TBC1D2B: variants seen among roughly 807,000 people sequenced by gnomAD.
The protein encoded by TBC1D2B is TBC1 domain family, member 2B.
Under a neutral mutation model 100.8 loss-of-function variants are expected in TBC1D2B, and 64 were observed. The ratio of observed to expected loss-of-function variants is 0.64; its 90% CI spans 0.52 to 0.78. The LOEUF (loss-of-function observed/expected upper bound fraction) is 0.78, where lower values mean the gene tolerates loss of function less well. TBC1D2B is among the 30% of genes least tolerant of loss of function. The pLI is 0.00. For missense variants in TBC1D2B, 1,052 were observed against 1,218.4 expected, an observed-to-expected ratio of 0.86 and a Z score of 2.03; for synonymous variants, 480 against 479.7, an observed-to-expected ratio of 1.00 and a Z score of -0.01.
intron 5 of TBC1D2B, 74 bp downstream of exon 5, chr15:78,025,185 A>G: frequency 7.7e-7 from 1 of 1,306,552 alleles, no homozygotes; most frequent in Non-Finnish European, 1.1e-6. Flanking sequence ...TCAGGGAAAC[A>G]TAAATTGGGC....
chr15:78,001,836 G>A (rs557932875), intron 11 of TBC1D2B, 96 bp from the exon 12 acceptor site: 6 of 1,411,642 alleles, frequency 4.3e-6, no homozygotes, highest in East Asian at 2.5e-5. Flanking sequence ...CTGGGGACAG[G>A]GGGACATGGC....
intron 10 of TBC1D2B, among the ~76,000 whole-genome samples, chr15:78,007,217 G>A (rs530871872): frequency 4.0e-4 from 61 of 152,332 alleles, no homozygotes; most frequent in African/African-American, 1.4e-3. Flanking sequence ...CCCTGGCAGC[G>A]TTCGAAGGCA....
At chr15:78,045,799 G>T (rs1360072769) in intron 2 of TBC1D2B, among the ~76,000 whole-genome samples, 1 of 152,186 alleles carries the variant, frequency 6.6e-6, no homozygotes, top group South Asian at 2.1e-4. Flanking sequence ...GGGTATCAAT[G>T]AAACGAGGGG....
At chr15:78,016,081 G>A (rs1240044651) in intron 8 of TBC1D2B, among the ~76,000 whole-genome samples, 2 of 152,242 alleles carry the variant, frequency 1.3e-5, no homozygotes, top group African/African-American at 2.4e-5. Context: ...ATATTTTTTA[G>A]AAGACAGGTT....
At chr15:78,009,759 G>C (rs1337238890) in intron 9 of TBC1D2B, among the ~76,000 whole-genome samples, 4 of 152,170 alleles carry the variant, frequency 2.6e-5, no homozygotes, top group Non-Finnish European at 5.9e-5. Flanking sequence ...CAGATCACGA[G>C]GTCAGGAGAT....
intron 1 of TBC1D2B, among the ~76,000 whole-genome samples, chr15:78,058,069 G>A (rs557568920): frequency 2.0e-5 from 3 of 152,310 alleles, no homozygotes; most frequent in Admixed American, 6.5e-5. Flanking sequence ...GAGATGGCCA[G>A]TGCCACATAA....
chr15:78,029,955 G>A (rs1418091797), intron 4 of TBC1D2B, 52 bp downstream of exon 4: 2 of 1,474,278 alleles, frequency 1.4e-6, no homozygotes, highest in Non-Finnish European at 9.2e-7. Context: ...ATCACTGGTG[G>A]TTAACAGATG....
At chr15:78,051,009 T>C (rs900242753) in intron 2 of TBC1D2B, among the ~76,000 whole-genome samples, 3 of 152,222 alleles carry the variant, frequency 2.0e-5, no homozygotes, top group Non-Finnish European at 2.9e-5. Flanking sequence ...TGGGAAAGCA[T>C]TCTCCTTTTG....
intron 1 of TBC1D2B, among the ~76,000 whole-genome samples, chr15:78,056,004 T>A (rs911818338): frequency 3.3e-5 from 5 of 152,182 alleles, no homozygotes; most frequent in Non-Finnish European, 7.3e-5. Flanking sequence ...ACACCTGCCA[T>A]AGGCAGGTTC....
intron 6 of TBC1D2B, among the ~76,000 whole-genome samples, chr15:78,020,288 G>A (rs1182568552): frequency 6.6e-6 from 1 of 152,202 alleles, no homozygotes; most frequent in Non-Finnish European, 1.5e-5. Flanking sequence ...AACAGTGATG[G>A]ATAGAGACTG....
intron 4 of TBC1D2B, among the ~76,000 whole-genome samples, chr15:78,026,647 G>T (rs539247973): frequency 6.6e-6 from 1 of 152,178 alleles, no homozygotes; most frequent in Non-Finnish European, 1.5e-5. Context: ...CAGGCATGGT[G>T]GCTCACGCCT....
chr15:78,062,402 C>T (rs1249913133), intron 1 of TBC1D2B, among the ~76,000 whole-genome samples: 1 of 152,220 alleles, frequency 6.6e-6, no homozygotes, highest in Non-Finnish European at 1.5e-5. Context: ...GGGCTCTTCA[C>T]TCTTCCTGGA....
chr15:78,054,124 A>G lies in TBC1D2B; in HGVS notation c.424T>C (p.Cys142Arg). The stretch of plus-strand genomic sequence containing the variant: ...CACTTGACCATGTCAAGACTGTTAC[A>G]ATATTCCCATCTCTTCTGCTGAAGC... ...QELQQKRWEYCNSLDMVKWDS... is the reference protein window; with the variant it reads ...QELQQKRWEYRNSLDMVKWDS... Residue 142 changes from cysteine (C) to arginine (R), a missense_variant, in exon 2 of 13, where the codon TGT (cysteine) becomes CGT (arginine). By Grantham distance (180) the Cys-to-Arg change is radical. This residue lies in a region of TBC1D2B where 627 missense variants were observed against 646.1 expected (regional missense o/e 0.97). Transcript: ENST00000300584. 6.2e-7 allele frequency: 1 copy of G among 1,613,914 alleles called. No homozygotes were observed. The highest frequency in any genetic ancestry group is 8.5e-7 in the Non-Finnish European group (1 of 1,179,828).
intron 1 of TBC1D2B, among the ~76,000 whole-genome samples, chr15:78,070,030 T>G (rs749356070): frequency 6.6e-6 from 1 of 152,170 alleles, no homozygotes; most frequent in Admixed American, 6.5e-5. Context: ...AAAAACCTAT[T>G]TGTCAAACCC....
At chr15:78,054,251 T>C (rs1203778868) in intron 1 of TBC1D2B, 64 bp from the exon 2 acceptor site, 1 of 1,511,028 alleles carries the variant, frequency 6.6e-7, no homozygotes, top group East Asian at 2.4e-5. Context: ...TAAAAAATAT[T>C]ATGTCTCATG....
chr15:78,051,069 C>T (rs962815045), intron 2 of TBC1D2B, among the ~76,000 whole-genome samples: 4 of 152,192 alleles, frequency 2.6e-5, no homozygotes, highest in African/African-American at 9.7e-5. Context: ...AAAGCTAATA[C>T]ACTCTAGCAA....
intron 1 of TBC1D2B, among the ~76,000 whole-genome samples, chr15:78,066,957 C>T (rs1261264240): frequency 1.3e-5 from 2 of 152,204 alleles, no homozygotes; most frequent in African/African-American, 2.4e-5. Context: ...TTCCAACCTC[C>T]ATGTGACTAA....
chr15:78,054,273 C>A (rs2141805672), intron 1 of TBC1D2B, 86 bp from the exon 2 acceptor site: 1 of 1,332,362 alleles, frequency 7.5e-7, no homozygotes, highest in South Asian at 1.7e-5. Flanking sequence ...GTAGACTGTT[C>A]AGCTTGCCAT....
chr15:77,999,881 C>T (rs2071865390), intron 12 of TBC1D2B, among the ~76,000 whole-genome samples: 2 of 152,180 alleles, frequency 1.3e-5, no homozygotes, highest in Admixed American at 1.3e-4. Flanking sequence ...ATTTGGGAGA[C>T]GATGCTCAGC....
Sources: allele counts gnomAD v4.1 joint callset (sites outside exome capture counted in the v4.1 genomes callset), GRCh38; gene constraint gnomAD v4.1.1; regional missense constraint gnomAD v4.1.1; transcripts MANE v1.5; gene names NCBI Gene and HGNC (gene_info 2026-07-23, HGNC 2026-07-21).